FMN2: variants seen among roughly 807,000 people sequenced by gnomAD.
The protein encoded by FMN2 is formin 2.
In FMN2, 51 loss-of-function variants were observed where a neutral mutation model predicts 142.3. That is an observed-to-expected ratio of 0.36 (90% CI 0.29 to 0.45). The LOEUF (loss-of-function observed/expected upper bound fraction) is 0.45, where lower values mean the gene tolerates loss of function less well. FMN2 is among the 20% of genes least tolerant of loss of function. The probability of loss-of-function intolerance (pLI) is 1.00; values close to 1 mark genes in which losing one functional copy is unlikely to be tolerated. For missense variants in FMN2, 1,936 were observed against 2,122.8 expected (o/e 0.91, Z 1.73); for synonymous variants, 882 against 869.8 (o/e 1.01, Z -0.25).
intron 7 of FMN2, among the ~76,000 whole-genome samples, chr1:240,264,544 CT>C (rs1168043121): frequency 6.6e-6 from 1 of 152,058 alleles, no homozygotes; most frequent in African/African-American, 2.4e-5. Context: ...CCCCTACCCC[CT>C]GACAGGTCTT....
At chr1:240,455,554 A>G (rs1676210907) in intron 16 of FMN2, among the ~76,000 whole-genome samples, 1 of 152,106 alleles carries the variant, frequency 6.6e-6, no homozygotes, top group African/African-American at 2.4e-5. Flanking sequence ...AATTACTGCT[A>G]TTACTACCAG....
chr1:240,102,857 T>C (rs529979801), intron 1 of FMN2, among the ~76,000 whole-genome samples: 1 of 151,290 alleles, frequency 6.6e-6, no homozygotes, highest in South Asian at 2.1e-4. Flanking sequence ...AAAAAGGTGA[T>C]CCTTTAATTT....
At chr1:240,114,221 T>C (rs1661930342) in intron 1 of FMN2, among the ~76,000 whole-genome samples, 1 of 152,256 alleles carries the variant, frequency 6.6e-6, no homozygotes, top group African/African-American at 2.4e-5. Flanking sequence ...AAATGGACTT[T>C]TAAAGTATGC....
chr1:240,442,044 C>T (rs1178730992), intron 16 of FMN2, among the ~76,000 whole-genome samples: 1 of 152,084 alleles, frequency 6.6e-6, no homozygotes, highest in East Asian at 1.9e-4. Context: ...AGAATTCTAC[C>T]TGCTGTGAGT....
intron 1 of FMN2, among the ~76,000 whole-genome samples, chr1:240,109,145 A>G (rs1051068000): frequency 5.3e-5 from 8 of 152,264 alleles, no homozygotes; most frequent in Non-Finnish European, 1.0e-4. Flanking sequence ...TTAAAATTGA[A>G]TGCTATCATA....
chr1:240,407,018 G>T (rs1053368017), intron 15 of FMN2, among the ~76,000 whole-genome samples: 2 of 152,168 alleles, frequency 1.3e-5, no homozygotes, highest in African/African-American at 4.8e-5. Context: ...ACTCCGGCAT[G>T]CATCACATGT....
intron 7 of FMN2, among the ~76,000 whole-genome samples, chr1:240,282,037 A>G (rs1429954870): frequency 1.3e-5 from 2 of 152,228 alleles, no homozygotes; most frequent in African/African-American, 4.8e-5. Context: ...CTACAAAGGT[A>G]TATGTGCTAT....
chr1:240,284,461 A>T (rs1012314945), intron 7 of FMN2, among the ~76,000 whole-genome samples: 1 of 152,014 alleles, frequency 6.6e-6, no homozygotes, highest in Non-Finnish European at 1.5e-5. Context: ...TTCAGTTTTT[A>T]TTTCTCTTTA....
intron 7 of FMN2, among the ~76,000 whole-genome samples, chr1:240,258,808 A>G (rs141035934): frequency 1.3e-3 from 197 of 152,326 alleles, no homozygotes; most frequent in African/African-American, 4.7e-3. Flanking sequence ...GTGTCCCTTA[A>G]GCTGACTAGA....
intron 15 of FMN2, among the ~76,000 whole-genome samples, chr1:240,398,186 T>G (rs1673850349): frequency 6.6e-6 from 1 of 152,034 alleles, no homozygotes; most frequent in African/African-American, 2.4e-5. Context: ...GTATTTTTAG[T>G]ATAGATGGGG....
At chr1:240,355,770 T>C in intron 13 of FMN2, 46 bp from the exon 14 acceptor site, 1 of 1,392,230 alleles carries the variant, frequency 7.2e-7, no homozygotes, top group Middle Eastern at 1.8e-4. Flanking sequence ...GCCTTAATGC[T>C]CCACTAACAG....
At chr1:240,143,361 A>G (rs1663278197) in intron 2 of FMN2, 1 of 1,467,288 alleles carries the variant, frequency 6.8e-7, no homozygotes, top group Non-Finnish European at 9.5e-7. Flanking sequence ...GCAAGTGGCC[A>G]AAGGTTCATA....
At chr1:240,421,967 G>A (rs1214004545) in intron 15 of FMN2, among the ~76,000 whole-genome samples, 4 of 152,168 alleles carry the variant, frequency 2.6e-5, no homozygotes, top group African/African-American at 7.2e-5. Flanking sequence ...CATGGCTCCT[G>A]AGCACCAGCT....
intron 8 of FMN2, among the ~76,000 whole-genome samples, chr1:240,322,997 C>A (rs1446241209): frequency 6.6e-6 from 1 of 152,054 alleles, no homozygotes; most frequent in African/African-American, 2.4e-5. Context: ...CCCCAAGAAC[C>A]CCCCTCCTCT....
intron 2 of FMN2, chr1:240,142,793 T>C (rs1332813893): frequency 6.3e-7 from 1 of 1,587,920 alleles, no homozygotes; most frequent in Admixed American, 1.7e-5. Context: ...GGGTTGTATG[T>C]GTCTGGAACC....
At chr1:240,301,948 C>G (rs1572171880) in intron 8 of FMN2, among the ~76,000 whole-genome samples, 1 of 151,992 alleles carries the variant, frequency 6.6e-6, no homozygotes, top group South Asian at 2.1e-4. Flanking sequence ...TGAAACTATT[C>G]TTTTGTACTC....
chr1:240,436,950 G>T (rs542939639), intron 15 of FMN2, among the ~76,000 whole-genome samples: 6 of 152,272 alleles, frequency 3.9e-5, no homozygotes, highest in African/African-American at 1.2e-4. Context: ...AAGCTTATTT[G>T]CATGCCACTC....
intron 3 of FMN2, among the ~76,000 whole-genome samples, chr1:240,180,566 C>CTTTTTT (rs58433196): frequency 2.6e-4 from 33 of 126,154 alleles, no homozygotes; most frequent in East Asian, 6.8e-4. Flanking sequence ...CACATGACCC[C>CTTTTTT]TTTTTTTTTT....
rs1049200612 is a variant in FMN2, at chr1:240,257,852, G to A, written c.4066-93G>A. ...GGTAATGACGTGAGATCTTTTCTCT[G>A]AATTTGTTCTTCATTTAGGATTTTT... On this transcript the variant is annotated intron_variant, in intron 6 of 17. Coordinates refer to ENST00000319653, the MANE Select transcript of FMN2 (RefSeq NM_020066.5). 58 of 1,038,842 alleles carry A rather than the reference G, an allele frequency of 5.6e-5. No individual in the cohort carries two copies. The African/African-American group carries it at 8.5e-4, about 15-fold the overall frequency. The allele number at this position is 1,038,842 out of a possible 1,614,324, so 64.4% of individuals were successfully genotyped here.
Sources: allele counts gnomAD v4.1 joint callset (sites outside exome capture counted in the v4.1 genomes callset), GRCh38; gene constraint gnomAD v4.1.1; transcripts MANE v1.5; gene names NCBI Gene and HGNC (gene_info 2026-07-23, HGNC 2026-07-21).